Variants in FAM171A1 observed in about 807,000 individuals in gnomAD.
The protein encoded by FAM171A1 is protein FAM171A1.
FAM171A1 carries 23 observed loss-of-function variants against 74.9 expected under a neutral mutation model. That is an observed-to-expected ratio of 0.31 (90% confidence interval 0.22 to 0.44). The LOEUF (loss-of-function observed/expected upper bound fraction) is 0.44. FAM171A1 is among the 20% of genes least tolerant of loss of function. The pLI is 1.00. For synonymous variants in FAM171A1, 527 were observed against 505.7 expected (o/e 1.04, Z -0.57); for missense variants, 1,162 against 1,159.2 (o/e 1.00, Z -0.03).
At chr10:15,304,541 G>A (rs1835270535) in intron 1 of FAM171A1, among the ~76,000 whole-genome samples, 1 of 152,106 alleles carries the variant, frequency 6.6e-6, no homozygotes, top group Non-Finnish European at 1.5e-5. Context: ...ACCTGCTGCG[G>A]CCGCATACCC....
At chr10:15,358,442 G>A (rs1835958036) in intron 1 of FAM171A1, among the ~76,000 whole-genome samples, 1 of 152,202 alleles carries the variant, frequency 6.6e-6, no homozygotes, top group African/African-American at 2.4e-5. Context: ...ATACCTGAAT[G>A]TTTTACACGT....
chr10:15,289,213 C>A (rs974294345), intron 1 of FAM171A1, among the ~76,000 whole-genome samples: 1 of 152,104 alleles, frequency 6.6e-6, no homozygotes, highest in African/African-American at 2.4e-5. Context: ...ACAAAACTAT[C>A]CCTAACTAAA....
At chr10:15,258,311 T>C (rs1834609356) in intron 3 of FAM171A1, among the ~76,000 whole-genome samples, 1 of 134,360 alleles carries the variant, frequency 7.4e-6, no homozygotes, top group Admixed American at 7.5e-5. Context: ...TCCGCCTGCC[T>C]CAGCCTCCCA....
chr10:15,362,705 C>A (rs1836009331), intron 1 of FAM171A1, among the ~76,000 whole-genome samples: 1 of 152,214 alleles, frequency 6.6e-6, no homozygotes, highest in Non-Finnish European at 1.5e-5. Context: ...GCCTAGGCGA[C>A]AGAGCGAGAC....
rs922740099 is a variant in FAM171A1 at position 15,212,540 on chromosome 10, G to A, written c.*375C>T. 11 of 242,340 alleles carry A rather than the reference G, an allele frequency of 4.5e-5. No homozygotes were observed. Among genetic ancestry groups the A allele is most frequent in the African/African-American group, 2.5e-4 (11 of 43,200 alleles). 15.0% of individuals were successfully genotyped at this position (242,340 alleles called of 1,614,324 possible). On this transcript the variant is annotated 3_prime_UTR_variant, in exon 8 of 8. Coordinates refer to ENST00000378116, the MANE Select transcript of FAM171A1 (RefSeq NM_001010924.2). ...ACAGTAGGATTATTGTGATAAAAAT[G>A]ACTCAAGCGATGCAAAAAGTTTCAT...
At chr10:15,330,713 C>CTT (rs898772126) in intron 1 of FAM171A1, among the ~76,000 whole-genome samples, 816 of 76,448 alleles carry the variant, frequency 0.011, 18 homozygotes, top group South Asian at 0.018. Context: ...TCTTCTTCTT[C>CTT]TTTTTTTTTT....
In FAM171A1 at chr10:15,275,174, T is replaced by A. The variant is rs573288929; in HGVS notation, c.418+681A>T. Reference sequence around the variant, plus strand: ...GTAAATGACGAGTTAATGGGTGCAGTACACCAACATGGCACATGTATACAG... The same window carrying A: ...GTAAATGACGAGTTAATGGGTGCAGAACACCAACATGGCACATGTATACAG... On this transcript the variant is annotated intron_variant, in intron 3 of 7. Coordinates refer to ENST00000378116, the MANE Select transcript of FAM171A1 (RefSeq NM_001010924.2). 1.4e-4 allele frequency among the ~76,000 whole-genome samples: 22 copies of A among 152,194 alleles called. No individual in the cohort carries two copies. In the East Asian group the frequency reaches 3.9e-3, roughly 27 times the overall value.
At chr10:15,356,254 A>C (rs1413825122) in intron 1 of FAM171A1, among the ~76,000 whole-genome samples, 8 of 150,952 alleles carry the variant, frequency 5.3e-5, no homozygotes, top group Non-Finnish European at 8.8e-5. Flanking sequence ...ACATATATAT[A>C]TATAAATCTG....
chr10:15,278,716 A>G (rs1319009533), intron 2 of FAM171A1, among the ~76,000 whole-genome samples: 2 of 152,202 alleles, frequency 1.3e-5, no homozygotes, highest in African/African-American at 4.8e-5. Context: ...CTAGAGAGAC[A>G]GAGGGTAGAT....
At position 15,213,775 on chromosome 10, in the gene FAM171A1, C is replaced by T; in HGVS notation, c.1813G>A (p.Ala605Thr). The T allele has an allele frequency of 6.2e-7, 1 of 1,614,078 alleles. No homozygotes were observed. Among genetic ancestry groups the T allele is most frequent in the South Asian group, 1.1e-5 (1 of 91,076 alleles). ...SYVSQPLVVP[A>T]DQQLEIERLQ... The stretch of plus-strand genomic sequence containing the variant: ...CTTTCTATCTCAAGCTGCTGATCAG[C>T]CGGGACGACGAGGGGCTGGCTGACA... Residue 605 changes from alanine (A) to threonine (T), a missense_variant, in exon 8 of 8, where the codon GCT becomes ACT. By Grantham distance (58) the Ala-to-Thr change is moderately conservative. Transcript: ENST00000378116. This position sits in a 1 kb window ranked among gnomAD's most constrained non-coding sequence, Gnocchi z 6.8.
At chr10:15,252,686 C>A (rs1834524980) in intron 4 of FAM171A1, among the ~76,000 whole-genome samples, 1 of 152,178 alleles carries the variant, frequency 6.6e-6, no homozygotes, top group Non-Finnish European at 1.5e-5. Context: ...AAAGCCTAGT[C>A]ATTTCTAGGT....
Position 15,353,299 on chromosome 10 carries a change from C to T in FAM171A1, c.97+17657G>A, listed in dbSNP as rs149301601. ...CCATTAAACACCAATAGTTTGACGC[C>T]GCCCTTTGGAAGCAGATATTGACTT... On this transcript the variant is annotated intron_variant, in intron 1 of 7. Coordinates refer to ENST00000378116, the MANE Select transcript of FAM171A1 (RefSeq NM_001010924.2). 4.6e-5 allele frequency among the ~76,000 whole-genome samples: 7 copies of T among 152,270 alleles called. No homozygotes were observed. In the East Asian group the frequency reaches 7.7e-4, roughly 17 times the overall value.
intron 4 of FAM171A1, among the ~76,000 whole-genome samples, chr10:15,252,401 T>C (rs1448446010): frequency 6.6e-6 from 1 of 152,222 alleles, no homozygotes; most frequent in African/African-American, 2.4e-5. Context: ...GCTAGTCATT[T>C]TCTGCGTCTT....
chr10:15,366,404 G>A (rs1421521155), intron 1 of FAM171A1, among the ~76,000 whole-genome samples: 2 of 152,202 alleles, frequency 1.3e-5, no homozygotes, highest in African/African-American at 4.8e-5. Context: ...ACAGGCATAA[G>A]CCACTGTGCC....
rs1836034270 is a variant in FAM171A1, at chr10:15,364,443, C to T, written c.97+6513G>A. Among the ~76,000 whole-genome samples, 5 of 152,212 alleles carry T rather than the reference C, an allele frequency of 3.3e-5. No individual in the cohort carries two copies. In the South Asian group the frequency reaches 1.0e-3, roughly 32 times the overall value. On this transcript the variant is annotated intron_variant, in intron 1 of 7. Transcript: ENST00000378116. ...GAATTCTGGTAAACCGATGCAAAAA[C>T]TCCATGCGTTTTTCCAAATGTAACT...
intron 1 of FAM171A1, among the ~76,000 whole-genome samples, chr10:15,340,374 C>T (rs1165985545): frequency 6.6e-6 from 1 of 152,140 alleles, no homozygotes; most frequent in Non-Finnish European, 1.5e-5. Context: ...CCTCCCTCTG[C>T]CTAAAAGGCT....
At chr10:15,327,711 G>C (rs1835573238) in intron 1 of FAM171A1, among the ~76,000 whole-genome samples, 1 of 151,962 alleles carries the variant, frequency 6.6e-6, no homozygotes, top group South Asian at 2.1e-4. Context: ...ATAAATATAA[G>C]CTAAACATTG....
intron 3 of FAM171A1, among the ~76,000 whole-genome samples, chr10:15,266,902 TGAGGCCATATCCCG>T (rs1381837708): frequency 6.7e-6 from 1 of 148,454 alleles, no homozygotes; most frequent in African/African-American, 2.5e-5. Flanking sequence ...AGAGAAAAGT[TGAGGCCATATCCCG>T]GAGGCCAGGG....
At chr10:15,318,825 CCT>C (rs1349997218) in intron 1 of FAM171A1, among the ~76,000 whole-genome samples, 2 of 152,158 alleles carry the variant, frequency 1.3e-5, no homozygotes, top group African/African-American at 4.8e-5. Context: ...CATACCTGTG[CCT>C]CTCTCACTAC....
Sources: gnomAD v4.1 joint callset for allele counts (sites outside exome capture counted in the v4.1 genomes callset) on GRCh38, gnomAD v4.1.1 for gene constraint, Gnocchi (gnomAD v3.1) non-coding constraint, MANE v1.5 for transcripts, NCBI Gene and HGNC (gene_info 2026-07-23, HGNC 2026-07-21) for gene names.